Variants in TALDO1 observed in about 807,000 individuals in gnomAD.
The protein encoded by TALDO1 is transaldolase 1, also known as transaldolase.
Under a neutral mutation model 38.1 loss-of-function variants are expected in TALDO1, and 29 were observed. That is an observed-to-expected ratio of 0.76 (90% CI 0.57 to 1.04). TALDO1 has a LOEUF of 1.04. Ranked by LOEUF, TALDO1 falls within the 50% of genes least tolerant of loss-of-function variation. The probability of loss-of-function intolerance (pLI) is 0.00; values close to 1 mark genes in which losing one functional copy is unlikely to be tolerated. For synonymous variants in TALDO1, 207 were observed against 176.8 expected, an observed-to-expected ratio of 1.17 and a Z score of -1.36; for missense variants, 499 against 438.1, an observed-to-expected ratio of 1.14 and a Z score of -1.24.
chr11:750,535 T>C (rs1862732003), intron 1 of TALDO1, among the ~76,000 whole-genome samples: 1 of 151,278 alleles, frequency 6.6e-6, no homozygotes, highest in South Asian at 2.1e-4. Flanking sequence ...ACTGAACTTG[T>C]GAACTTCGGC....
intron 4 of TALDO1, among the ~76,000 whole-genome samples, chr11:761,891 C>A (rs1862931012): frequency 6.6e-6 from 1 of 152,178 alleles, no homozygotes; most frequent in Admixed American, 6.5e-5. Flanking sequence ...CTCAAGAGAT[C>A]TCTACCCATC....
chr11:763,789 T>C lies in TALDO1; in HGVS notation c.680T>C (p.Phe227Ser). The C allele has an allele frequency of 6.2e-7, 1 of 1,614,028 alleles. No individual in the cohort carries two copies. Among genetic ancestry groups the C allele is most frequent in the Non-Finnish European group, 8.5e-7 (1 of 1,180,004 alleles). The change falls in exon 6 of 8, where the codon TTT becomes TCT. Residue 227 changes from phenylalanine to serine, a missense_variant. Phe to Ser is a radical substitution (Grantham distance 155, BLOSUM62 -2). Coordinates refer to ENST00000319006, the MANE Select transcript of TALDO1 (RefSeq NM_006755.2). ...AAAATCTACAACTACTACAAGAAGT[T>C]TAGCTACAAAACCATTGTCATGGGC... is the stretch of plus-strand genomic sequence containing the variant. ...VTKIYNYYKK[F>S]SYKTIVMGAS... is the part of the protein sequence containing the mutation.
chr11:747,587 G>C lies in TALDO1; in HGVS notation c.97+9G>C. On this transcript the variant is annotated intron_variant, in intron 1 of 7. Coordinates refer to ENST00000319006, the MANE Select transcript of TALDO1 (RefSeq NM_006755.2). Reference sequence around the variant, plus strand: ...CACGGGCGACTTCCACGGTGAGGACGGCGCGGAGCCCGGGCGCGGCGCAAG... The same window carrying C: ...CACGGGCGACTTCCACGGTGAGGACCGCGCGGAGCCCGGGCGCGGCGCAAG... The C allele has an allele frequency of 1.3e-6, 2 of 1,563,274 alleles. No individual in the cohort carries two copies. Among genetic ancestry groups the C allele is most frequent in the South Asian group, 2.4e-5 (2 of 84,748 alleles).
chr11:751,782 G>A (rs1394873027), intron 1 of TALDO1, among the ~76,000 whole-genome samples: 1 of 151,920 alleles, frequency 6.6e-6, no homozygotes, highest in Non-Finnish European at 1.5e-5. Flanking sequence ...GCGACAGAGC[G>A]AGACTCCATC....
In TALDO1 at chr11:760,192, A is replaced by G. The variant is rs748093653; in HGVS notation, c.400A>G (p.Ile134Val). The G allele has an allele frequency of 5.6e-6, 9 of 1,614,114 alleles. No individual in the cohort carries two copies. The highest frequency in any genetic ancestry group is 3.3e-5 in the Admixed American group (2 of 60,000). The change falls in exon 4 of 8, where the codon ATC becomes GTC. Residue 134 changes from isoleucine (I) to valine (V), a missense_variant. Physicochemically the swap from Ile to Val is conservative, Grantham distance 29. Transcript: ENST00000319006. ...CATCGAGCTCTACAAGGAAGCTGGG[A>G]TCAGCAAGGACCGAATTCTTATAAA... ...RLIELYKEAG[I>V]SKDRILIKLS...
intron 1 of TALDO1, among the ~76,000 whole-genome samples, chr11:755,562 T>C (rs756202609): frequency 3.9e-5 from 6 of 152,150 alleles, no homozygotes; most frequent in African/African-American, 7.2e-5. Context: ...GGTACGGCAG[T>C]GGGATGCACA....
chr11:758,995 G>T lies in TALDO1; in HGVS notation c.267G>T (p.Val89=). 1 of 1,613,224 alleles carries T rather than the reference G, an allele frequency of 6.2e-7. No homozygotes were observed. Among genetic ancestry groups the T allele is most frequent in the Non-Finnish European group, 8.5e-7 (1 of 1,179,408 alleles). The change falls in exon 3 of 8, where the codon GTG becomes GTT. Residue 89 remains valine, a synonymous_variant. Transcript: ENST00000319006. The stretch of plus-strand genomic sequence containing the variant: ...AAAATGCTATTGATAAACTTTTTGT[G>T]TTGTTTGGAGCAGAAATACTAAAGA... The part of the protein sequence containing the change: ...QIKNAIDKLF[V]LFGAEILKKI...
Position 764,881 on chromosome 11 carries a change from C to G in TALDO1, c.*36C>G. On this transcript the variant is annotated 3_prime_UTR_variant, in exon 8 of 8. Transcript: ENST00000319006. ...AGGCTGGACTCCAGATCTGCACCGC[C>G]GGCCAGCTGGGATCTGACTGCACGT... 1 of 1,613,742 alleles carries G rather than the reference C, an allele frequency of 6.2e-7. No homozygotes were observed. The highest frequency in any genetic ancestry group is 8.5e-7 in the Non-Finnish European group (1 of 1,180,004).
chr11:760,031 A>C, intron 3 of TALDO1, 91 bp from the exon 4 acceptor site: 1 of 1,588,306 alleles, frequency 6.3e-7, no homozygotes, highest in Non-Finnish European at 8.6e-7. Context: ...GTGCTGCTCA[A>C]AACTGACAGG....
At chr11:749,341 G>A (rs1862712368) in intron 1 of TALDO1, among the ~76,000 whole-genome samples, 1 of 142,932 alleles carries the variant, frequency 7.0e-6, no homozygotes, top group Non-Finnish European at 1.5e-5. Flanking sequence ...GGCGGAGGTT[G>A]CAGTGAGCCA....
chr11:759,715 G>A (rs1467165153), intron 3 of TALDO1, among the ~76,000 whole-genome samples: 1 of 152,098 alleles, frequency 6.6e-6, no homozygotes, highest in Non-Finnish European at 1.5e-5. Flanking sequence ...AAGTAGCTGG[G>A]ACTACAGACA....
At chr11:756,262 G>GCAGA (rs1486006578) in intron 2 of TALDO1, 2 of 507,590 alleles carry the variant, frequency 3.9e-6, no homozygotes, top group African/African-American at 3.9e-5. Flanking sequence ...CAGAGCACTT[G>GCAGA]CAGACCCCCA....
Position 755,735 on chromosome 11 carries a change from A to T in TALDO1, c.98-144A>T, listed in dbSNP as rs1317537368. 7.0e-6 allele frequency: 8 copies of T among 1,137,372 alleles called. No homozygotes were observed. The South Asian group carries it at 9.3e-5, about 13-fold the overall frequency. 70.5% of individuals were successfully genotyped at this position (1,137,372 alleles called of 1,614,324 possible). On this transcript the variant is annotated intron_variant, in intron 1 of 7. Coordinates refer to ENST00000319006, the MANE Select transcript of TALDO1 (RefSeq NM_006755.2). ...GATGAACCTTCAGTGACCCAGAAGAAGGTGTGAGAAGTGTGGCTGGACCCC... is the reference window on the plus strand; with the variant it reads ...GATGAACCTTCAGTGACCCAGAAGATGGTGTGAGAAGTGTGGCTGGACCCC...
At chr11:747,665 C>A in intron 1 of TALDO1, 87 bp downstream of exon 1, 2 of 1,229,510 alleles carry the variant, frequency 1.6e-6, no homozygotes, top group Non-Finnish European at 2.2e-6. Flanking sequence ...CGTTCCGGGA[C>A]GCGGACCGGG....
rs781140462 is a variant in TALDO1, at chr11:763,397, T to C, written c.515T>C (p.Phe172Ser). Residue 172 changes from phenylalanine (F) to serine (S), a missense_variant, in exon 5 of 8, where the codon TTC (phenylalanine) becomes TCC (serine). By Grantham distance (155) the Phe-to-Ser change is radical. Transcript: ENST00000319006. ...TGCAACATGACGTTACTCTTCTCCT[T>C]CGCCCAGGCTGTGGCCTGTGCCGAG... ...IHCNMTLLFSFAQAVACAEAG... is the reference protein window; with the variant it reads ...IHCNMTLLFSSAQAVACAEAG... The C allele has an allele frequency of 6.8e-6, 11 of 1,612,624 alleles. No homozygotes were observed. The African/African-American group carries it at 1.2e-4, about 18-fold the overall frequency.
Position 755,937 on chromosome 11 carries a change from A to C in TALDO1, c.156A>C (p.Ala52=), listed in dbSNP as rs1862828175. ...CCAACCCGTCCCTGATCCTGGCCGCAGCACAGATGCCCGCTTACCAGGAGC... is the reference window on the plus strand; with the variant it reads ...CCAACCCGTCCCTGATCCTGGCCGCCGCACAGATGCCCGCTTACCAGGAGC... The part of the protein sequence containing the change: ...ATTNPSLILA[A]AQMPAYQELV... Residue 52 remains alanine (A), a synonymous_variant, in exon 2 of 8, where the codon GCA becomes GCC. Coordinates refer to ENST00000319006, the MANE Select transcript of TALDO1 (RefSeq NM_006755.2). The C allele has an allele frequency of 1.2e-6, 2 of 1,614,196 alleles. No individual in the cohort carries two copies. The highest frequency in any genetic ancestry group is 2.2e-5 in the South Asian group (2 of 91,088).
chr11:751,687 C>T (rs754494719), intron 1 of TALDO1, among the ~76,000 whole-genome samples: 2 of 152,056 alleles, frequency 1.3e-5, no homozygotes, highest in Non-Finnish European at 2.9e-5. Context: ...CCCAGCTACT[C>T]GAGAGGCTGA....
At chr11:757,345 T>A (rs571191604) in intron 2 of TALDO1, among the ~76,000 whole-genome samples, 1 of 149,048 alleles carries the variant, frequency 6.7e-6, no homozygotes, top group Non-Finnish European at 1.5e-5. Context: ...TAGGCTGGAG[T>A]GCAGTGTCAC....
chr11:753,501 G>T (rs933402923), intron 1 of TALDO1, among the ~76,000 whole-genome samples: 1 of 151,818 alleles, frequency 6.6e-6, no homozygotes, highest in Non-Finnish European at 1.5e-5. Context: ...ACTGCAGTCC[G>T]GCGTGGGTGA....
Sources: allele counts gnomAD v4.1 joint callset (sites outside exome capture counted in the v4.1 genomes callset), GRCh38; gene constraint gnomAD v4.1.1; transcripts MANE v1.5; gene names NCBI Gene and HGNC (gene_info 2026-07-23, HGNC 2026-07-21).